The following TMEM132B variants were observed in gnomAD, a reference collection of about 807,000 sequenced individuals.
The protein encoded by TMEM132B is transmembrane protein 132B.
In TMEM132B, 18 loss-of-function variants were observed where a neutral mutation model predicts 90.8. The ratio of observed to expected loss-of-function variants is 0.20; its 90% CI spans 0.14 to 0.29. The LOEUF is 0.29. Among genes scored for constraint, TMEM132B ranks in the 10% least tolerant of loss-of-function variants. The probability of loss-of-function intolerance (pLI) is 1.00; values close to 1 mark genes in which losing one functional copy is unlikely to be tolerated. For missense variants in TMEM132B, 1,096 were observed against 1,326.8 expected, an observed-to-expected ratio of 0.83 and a Z score of 2.70; for synonymous variants, 504 against 523.3, an observed-to-expected ratio of 0.96 and a Z score of 0.50.
chr12:125,440,892 T>A (rs1299342885), intron 3 of TMEM132B, among the ~76,000 whole-genome samples: 1 of 152,198 alleles, frequency 6.6e-6, no homozygotes, highest in Non-Finnish European at 1.5e-5. Context: ...GGCTGCTCAG[T>A]GTAGAAGGGG....
chr12:125,237,238 C>T (rs759708126), intron 1 of TMEM132B, among the ~76,000 whole-genome samples: 4 of 152,080 alleles, frequency 2.6e-5, no homozygotes, highest in Non-Finnish European at 4.4e-5. Context: ...TCACCAGTGC[C>T]GCAGGTGACC....
At chr12:125,493,040 C>T (rs901498193) in intron 3 of TMEM132B, among the ~76,000 whole-genome samples, 2 of 152,144 alleles carry the variant, frequency 1.3e-5, no homozygotes, top group African/African-American at 2.4e-5. Flanking sequence ...GCAGGTGGCA[C>T]GTCACCTGCG....
chr12:125,418,147 T>A (rs1324739937), intron 3 of TMEM132B, among the ~76,000 whole-genome samples: 2 of 152,142 alleles, frequency 1.3e-5, no homozygotes, highest in Non-Finnish European at 2.9e-5. Flanking sequence ...GGAAATTAAT[T>A]TTGTTGATAT....
chr12:125,473,538 T>A (rs747762101), intron 3 of TMEM132B, among the ~76,000 whole-genome samples: 1 of 152,230 alleles, frequency 6.6e-6, no homozygotes, highest in Non-Finnish European at 1.5e-5. Context: ...AATTAATGAA[T>A]CAAACTTTGT....
At chr12:125,527,457 C>T (rs1407628801) in intron 4 of TMEM132B, among the ~76,000 whole-genome samples, 1 of 148,442 alleles carries the variant, frequency 6.7e-6, no homozygotes, top group South Asian at 2.2e-4. Context: ...TCCATCCACC[C>T]ATCCACCCTT....
chr12:125,243,068 CACATAT>C (rs1874120285), intron 1 of TMEM132B, among the ~76,000 whole-genome samples: 1 of 143,776 alleles, frequency 7.0e-6, no homozygotes, highest in South Asian at 2.2e-4. Flanking sequence ...TATATACACA[CACATAT>C]ACATATATAC....
chr12:125,375,129 A>G (rs1181071978), intron 2 of TMEM132B, among the ~76,000 whole-genome samples: 1 of 152,230 alleles, frequency 6.6e-6, no homozygotes, highest in African/African-American at 2.4e-5. Flanking sequence ...ATGTACTATA[A>G]TATTTGAGCT....
chr12:125,272,928 G>A (rs1874878305), intron 1 of TMEM132B, among the ~76,000 whole-genome samples: 1 of 152,178 alleles, frequency 6.6e-6, no homozygotes, highest in Admixed American at 6.5e-5. Flanking sequence ...CGGGGGTCAG[G>A]AGGGCCACTG....
rs113319203 is a variant in TMEM132B at position 125,474,056 on chromosome 12, T to TTTTCCTTTCCTTTCCTTTCCTTTCC, written c.1107-45365_1107-45341dup. On this transcript the variant is annotated intron_variant, in intron 3 of 8. Transcript: ENST00000682704. Reference sequence around the variant, plus strand: ...CTTCCTTCCTTCCTTCCTTCTTTCTTTTTCCTTTCCTTTCCTTTCCTTTCC... The same window carrying TTTTCCTTTCCTTTCCTTTCCTTTCC: ...CTTCCTTCCTTCCTTCCTTCTTTCTTTTTCCTTTCCTTTCCTTTCCTTTCCTTTCCTTTCCTTTCCTTTCCTTTCC... Among the ~76,000 whole-genome samples the TTTTCCTTTCCTTTCCTTTCCTTTCC allele has an allele frequency of 2.9e-3, 379 of 129,468 alleles. 7 individuals are homozygous for TTTTCCTTTCCTTTCCTTTCCTTTCC. Among genetic ancestry groups the TTTTCCTTTCCTTTCCTTTCCTTTCC allele is most frequent in the African/African-American group, 7.4e-3 (241 of 32,516 alleles). The allele number at this position is 129,468 out of a possible 152,430, so 84.9% of individuals were successfully genotyped here.
At chr12:125,345,937 G>C (rs1877347301) in intron 1 of TMEM132B, among the ~76,000 whole-genome samples, 1 of 152,226 alleles carries the variant, frequency 6.6e-6, no homozygotes, top group African/African-American at 2.4e-5. Context: ...TTAAAGGGAA[G>C]AGTGTTAGCT....
intron 2 of TMEM132B, among the ~76,000 whole-genome samples, chr12:125,363,566 C>A (rs1472922983): frequency 6.6e-6 from 1 of 152,118 alleles, no homozygotes. Context: ...GTTGGTGGCA[C>A]CCCTAGGACT....
At chr12:125,345,137 G>A (rs1344178375) in intron 1 of TMEM132B, among the ~76,000 whole-genome samples, 6 of 152,070 alleles carry the variant, frequency 3.9e-5, no homozygotes, top group Non-Finnish European at 5.9e-5. Context: ...CAAAGACCTG[G>A]TGACCTGGTC....
intron 2 of TMEM132B, among the ~76,000 whole-genome samples, chr12:125,396,537 G>T (rs894740492): frequency 5.3e-5 from 8 of 152,120 alleles, no homozygotes; most frequent in Non-Finnish European, 1.2e-4. Flanking sequence ...TTTTGAAATG[G>T]GGTCTTGCTC....
intron 3 of TMEM132B, among the ~76,000 whole-genome samples, chr12:125,442,377 G>C (rs1880900431): frequency 6.6e-6 from 1 of 152,242 alleles, no homozygotes; most frequent in Non-Finnish European, 1.5e-5. Context: ...GAATTTGCTA[G>C]AGGGAGGCAA....
chr12:125,269,082 G>A (rs79824705), intron 1 of TMEM132B, among the ~76,000 whole-genome samples: 112 of 152,294 alleles, frequency 7.4e-4, no homozygotes, highest in African/African-American at 2.3e-3. Context: ...AATAATAACC[G>A]CCCCAAGGCA....
chr12:125,500,689 A>G (rs536446306), intron 3 of TMEM132B, among the ~76,000 whole-genome samples: 8 of 152,328 alleles, frequency 5.3e-5, no homozygotes, highest in African/African-American at 1.9e-4. Context: ...ACTGGGTACT[A>G]TCAGGGAAGA....
At chr12:125,191,920 C>T (rs1039010413) in intron 1 of TMEM132B, among the ~76,000 whole-genome samples, 3 of 152,142 alleles carry the variant, frequency 2.0e-5, no homozygotes, top group Non-Finnish European at 4.4e-5. Context: ...GGGACTTCAG[C>T]AAGAAAGAGG....
chr12:125,656,358 G>A lies in TMEM132B; in HGVS notation c.*1648G>A, dbSNP rs976874795. 4 of 152,142 alleles carry A rather than the reference G, an allele frequency of 2.6e-5. No individual in the cohort carries two copies. The highest frequency in any genetic ancestry group is 2.1e-4 in the South Asian group (1 of 4,828). 9.4% of individuals were successfully genotyped at this position (152,142 alleles called of 1,614,324 possible). A position where few individuals can be genotyped will look rare whatever the true frequency, so the allele number is the denominator to read the frequency against. Reference sequence around the variant, plus strand: ...TAACTGAGCTAATCCAAGGAGAGGCGTTCAGTTGTTCTCTTATTATAGATT... The same window carrying A: ...TAACTGAGCTAATCCAAGGAGAGGCATTCAGTTGTTCTCTTATTATAGATT... On this transcript the variant is annotated 3_prime_UTR_variant, in exon 9 of 9. Coordinates refer to ENST00000682704, the MANE Select transcript of TMEM132B (RefSeq NM_001366854.1).
chr12:125,284,485 C>A (rs1875291282), intron 1 of TMEM132B, among the ~76,000 whole-genome samples: 2 of 152,148 alleles, frequency 1.3e-5, no homozygotes, highest in Admixed American at 1.3e-4. Flanking sequence ...CTCTCTTCCT[C>A]CCCCCTGCTC....
Sources: gnomAD v4.1 joint callset for allele counts (sites outside exome capture counted in the v4.1 genomes callset) on GRCh38, gnomAD v4.1.1 for gene constraint, MANE v1.5 for transcripts, NCBI Gene and HGNC (gene_info 2026-07-23, HGNC 2026-07-21) for gene names.